ZSCAN22: variants seen among roughly 807,000 people sequenced by gnomAD.
The protein encoded by ZSCAN22 is zinc finger and SCAN domain containing 22.
In ZSCAN22, 7 loss-of-function variants were observed where a neutral mutation model predicts 12.4. The ratio of observed to expected loss-of-function variants is 0.57; its 90% CI spans 0.32 to 1.06. The LOEUF (loss-of-function observed/expected upper bound fraction) is 1.06, where lower values mean the gene tolerates loss of function less well. Among genes scored for constraint, ZSCAN22 ranks in the 50% least tolerant of loss-of-function variants. The probability of loss-of-function intolerance (pLI) is 0.04; values close to 1 mark genes in which losing one functional copy is unlikely to be tolerated. For synonymous variants in ZSCAN22, 243 were observed against 255.9 expected, an observed-to-expected ratio of 0.95 and a Z score of 0.48; for missense variants, 576 against 631.7, an observed-to-expected ratio of 0.91 and a Z score of 0.94.
intron 1 of ZSCAN22, among the ~76,000 whole-genome samples, chr19:58,331,238 A>T: frequency 6.9e-6 from 1 of 144,088 alleles, no homozygotes; most frequent in African/African-American, 2.6e-5. Context: ...TTTTTTTGAG[A>T]CAGAATCTCA....
chr19:58,329,568 A>G lies in ZSCAN22; in HGVS notation c.-52+2454A>G, dbSNP rs989069962. Reference sequence around the variant, plus strand: ...AACAAATTCACTGTGGGAAGTAGAGAATGTCAAGAAAAGTAATACAGTAGT... The same window carrying G: ...AACAAATTCACTGTGGGAAGTAGAGGATGTCAAGAAAAGTAATACAGTAGT... On this transcript the variant is annotated intron_variant, in intron 1 of 2. Transcript: ENST00000329665. This position sits in a 1 kb window ranked among gnomAD's most constrained non-coding sequence, Gnocchi z 4.1. Among the ~76,000 whole-genome samples, 3 of 152,206 alleles carry G rather than the reference A, an allele frequency of 2.0e-5. No homozygotes were observed. Among genetic ancestry groups the G allele is most frequent in the Admixed American group, 6.5e-5 (1 of 15,292 alleles).
intron 1 of ZSCAN22, among the ~76,000 whole-genome samples, chr19:58,331,126 TAGA>T (rs1287466116): frequency 6.6e-6 from 1 of 151,772 alleles, no homozygotes; most frequent in African/African-American, 2.4e-5. Flanking sequence ...TAAAGCAGTG[TAGA>T]AGCACAGAGA....
chr19:58,334,556 T>C (rs189068584), intron 1 of ZSCAN22, 196 bp from the exon 2 acceptor site: 118 of 413,218 alleles, frequency 2.9e-4, no homozygotes, highest in African/African-American at 2.3e-3. Context: ...AAGTTTTAAA[T>C]GAGTCTACAT....
chr19:58,331,784 A>G (rs2051729969), intron 1 of ZSCAN22, among the ~76,000 whole-genome samples: 2 of 151,742 alleles, frequency 1.3e-5, no homozygotes, highest in South Asian at 4.2e-4. Context: ...TGACCTTGTG[A>G]TCGGCCCAGC....
In ZSCAN22 at chr19:58,338,416, T is replaced by C. The variant is rs1467124255; in HGVS notation, c.566T>C (p.Leu189Pro). 1.2e-5 allele frequency: 19 copies of C among 1,614,148 alleles called. No individual in the cohort carries two copies. The highest frequency in any genetic ancestry group is 1.5e-5 in the Non-Finnish European group (18 of 1,180,006). ...GAGGGCAGCTCAGAGAGGTCTGGAC[T>C]ATCAGGGGAGATCTGGACAAAGTCT... ...EPEGSSERSG[L>P]SGEIWTKSVT... Residue 189 changes from leucine (L) to proline (P), a missense_variant, in exon 3 of 3, where the codon CTA becomes CCA. Transcript: ENST00000329665. The surrounding 1 kb of genome is among the most constrained non-coding windows in gnomAD (Gnocchi z 5.4).
At chr19:58,332,714 A>G (rs1252240984) in intron 1 of ZSCAN22, among the ~76,000 whole-genome samples, 1 of 152,204 alleles carries the variant, frequency 6.6e-6, no homozygotes, top group Non-Finnish European at 1.5e-5. Context: ...TCAGGTGGAC[A>G]TTTGGATTGT....
Position 58,340,731 on chromosome 19 carries a change from G to T in ZSCAN22, c.*1405G>T, listed in dbSNP as rs1366628358. On this transcript the variant is annotated 3_prime_UTR_variant, in exon 3 of 3. Transcript: ENST00000329665. ...GATCTCCTGACCTCGTGATCCACCC[G>T]CCTCGGCCTCCCAAAGTGCTGGGAT... 1 of 148,120 alleles carries T rather than the reference G, an allele frequency of 6.8e-6. No individual in the cohort carries two copies. Among genetic ancestry groups the T allele is most frequent in the Non-Finnish European group, 1.5e-5 (1 of 67,474 alleles). The allele number at this position is 148,120 out of a possible 1,614,324, so 9.2% of individuals were successfully genotyped here. A position where few individuals can be genotyped will look rare whatever the true frequency, so the allele number is the denominator to read the frequency against.
intron 2 of ZSCAN22, among the ~76,000 whole-genome samples, chr19:58,336,626 C>T (rs2051800945): frequency 6.6e-6 from 1 of 152,176 alleles, no homozygotes. Context: ...AACTGGGCCA[C>T]TAGCTAACTG....
intron 1 of ZSCAN22, among the ~76,000 whole-genome samples, chr19:58,334,535 GTGTT>G (rs1466808312): frequency 1.3e-5 from 2 of 152,170 alleles, no homozygotes; most frequent in Non-Finnish European, 2.9e-5. Flanking sequence ...AGCCAGGATG[GTGTT>G]TGTTGTAAGT....
In ZSCAN22 at chr19:58,329,359, C is replaced by T. The variant is rs900623087; in HGVS notation, c.-52+2245C>T. Reference sequence around the variant, plus strand: ...GAGCAGAGACTCCAGGCACACTGAGCGTCCTGGCTGACATTGAAGGAAAGG... The same window carrying T: ...GAGCAGAGACTCCAGGCACACTGAGTGTCCTGGCTGACATTGAAGGAAAGG... On this transcript the variant is annotated intron_variant, in intron 1 of 2. Transcript: ENST00000329665. This position sits in a 1 kb window ranked among gnomAD's most constrained non-coding sequence, Gnocchi z 4.1. 2.6e-5 allele frequency among the ~76,000 whole-genome samples: 4 copies of T among 152,206 alleles called. No individual in the cohort carries two copies. The highest frequency in any genetic ancestry group is 4.1e-4 in the South Asian group (2 of 4,834).
chr19:58,339,854 C>G lies in ZSCAN22; in HGVS notation c.*528C>G, dbSNP rs1392485552. 6.5e-6 allele frequency: 1 copy of G among 154,856 alleles called. No individual in the cohort carries two copies. The highest frequency in any genetic ancestry group is 6.4e-5 in the Admixed American group (1 of 15,690). 9.6% of individuals were successfully genotyped at this position (154,856 alleles called of 1,614,324 possible). A position where few individuals can be genotyped will look rare whatever the true frequency, so the allele number is the denominator to read the frequency against. ...GCAAGGCTGACTTTTGAGACTGCCT[C>G]TTCCACGATGCCTTTTCTACACTCT... On this transcript the variant is annotated 3_prime_UTR_variant, in exon 3 of 3. Coordinates refer to ENST00000329665, the MANE Select transcript of ZSCAN22 (RefSeq NM_181846.3). The surrounding 1 kb of genome is among the most constrained non-coding windows in gnomAD (Gnocchi z 5.6).
Position 58,341,468 on chromosome 19 carries a change from G to A in ZSCAN22, c.*2142G>A, listed in dbSNP as rs2051874613. 6.6e-6 allele frequency: 1 copy of A among 152,212 alleles called. No individual in the cohort carries two copies. Among genetic ancestry groups the A allele is most frequent in the African/African-American group, 2.4e-5 (1 of 41,446 alleles). The allele number at this position is 152,212 out of a possible 1,614,324, so 9.4% of individuals were successfully genotyped here. A position where few individuals can be genotyped will look rare whatever the true frequency, so the allele number is the denominator to read the frequency against. On this transcript the variant is annotated 3_prime_UTR_variant, in exon 3 of 3. Coordinates refer to ENST00000329665, the MANE Select transcript of ZSCAN22 (RefSeq NM_181846.3). Reference sequence around the variant, plus strand: ...TGTGAACCATTTGACCTGGCGTATTGTGTACTAGTCACCGTCACCATCTCT... The same window carrying A: ...TGTGAACCATTTGACCTGGCGTATTATGTACTAGTCACCGTCACCATCTCT...
At chr19:58,336,641 C>G (rs558234572) in intron 2 of ZSCAN22, among the ~76,000 whole-genome samples, 2 of 152,164 alleles carry the variant, frequency 1.3e-5, no homozygotes, top group African/African-American at 2.4e-5. Context: ...TAACTGTGAT[C>G]CTGTACCAGT....
rs952984630 is a variant in ZSCAN22, at chr19:58,332,069, C to T, written c.-51-2683C>T. Among the ~76,000 whole-genome samples, 3 of 151,454 alleles carry T rather than the reference C, an allele frequency of 2.0e-5. No homozygotes were observed. In the South Asian group the frequency reaches 6.3e-4, roughly 32 times the overall value. ...TGTATTTTTAGTATAGATGGGGTTT[C>T]TCCATATTGGTCAGGCTGGTCTTGA... On this transcript the variant is annotated intron_variant, in intron 1 of 2. Transcript: ENST00000329665.
In ZSCAN22 at chr19:58,338,193, G is replaced by A. The variant is rs960638553; in HGVS notation, c.404-61G>A. On this transcript the variant is annotated intron_variant, in intron 2 of 2. Coordinates refer to ENST00000329665, the MANE Select transcript of ZSCAN22 (RefSeq NM_181846.3). This position sits in a 1 kb window ranked among gnomAD's most constrained non-coding sequence, Gnocchi z 5.4. ...CTTACAAAGTGTGACCGGGGCCCTCGGCAGAGTAGGGGAGGCTTGGTGTGG... is the reference window on the plus strand; with the variant it reads ...CTTACAAAGTGTGACCGGGGCCCTCAGCAGAGTAGGGGAGGCTTGGTGTGG... The A allele has an allele frequency of 9.6e-5, 141 of 1,466,552 alleles. No homozygotes were observed. Among genetic ancestry groups the A allele is most frequent in the Non-Finnish European group, 1.1e-4 (115 of 1,082,532 alleles). 90.8% of individuals were successfully genotyped at this position (1,466,552 alleles called of 1,614,324 possible).
rs369411761 is a variant in ZSCAN22, at chr19:58,338,271, G to A, written c.421G>A (p.Glu141Lys). Residue 141 changes from glutamate (E) to lysine (K), a missense_variant, in exon 3 of 3, where the codon GAG becomes AAG. Transcript: ENST00000329665. The surrounding 1 kb of genome is among the most constrained non-coding windows in gnomAD (Gnocchi z 5.4). ...LDKRGWDPGA[E>K]PTEASCKQSD... ...TGTTTCAGGATGGGATCCAGGAGCC[G>A]AGCCCACAGAGGCAAGCTGCAAGCA... 1.2e-5 allele frequency: 19 copies of A among 1,600,004 alleles called. No homozygotes were observed. Among genetic ancestry groups the A allele is most frequent in the African/African-American group, 9.4e-5 (7 of 74,648 alleles).
At chr19:58,327,848 C>T (rs187934691) in intron 1 of ZSCAN22, among the ~76,000 whole-genome samples, 2 of 152,186 alleles carry the variant, frequency 1.3e-5, no homozygotes, top group African/African-American at 2.4e-5. Context: ...GGAAATGCTG[C>T]GAGGGCCTGT....
In ZSCAN22 at chr19:58,340,283, C is replaced by T. The variant is rs1237403037; in HGVS notation, c.*957C>T. The stretch of plus-strand genomic sequence containing the variant: ...GCCCCGAGCAACCTCTCCAGTTATC[C>T]TCATATGCATGTATGAATACTGTCA... On this transcript the variant is annotated 3_prime_UTR_variant, in exon 3 of 3. Transcript: ENST00000329665. 2.0e-5 allele frequency: 3 copies of T among 152,126 alleles called. No individual in the cohort carries two copies. The highest frequency in any genetic ancestry group is 4.4e-5 in the Non-Finnish European group (3 of 68,078). The allele number at this position is 152,126 out of a possible 1,614,324, so 9.4% of individuals were successfully genotyped here.
chr19:58,328,200 T>C (rs1236152759), intron 1 of ZSCAN22, among the ~76,000 whole-genome samples: 1 of 152,200 alleles, frequency 6.6e-6, no homozygotes, highest in Non-Finnish European at 1.5e-5. Flanking sequence ...ATATTTCCTG[T>C]GTCTGGGTAT....
Sources: allele counts gnomAD v4.1 joint callset (sites outside exome capture counted in the v4.1 genomes callset), GRCh38; gene constraint gnomAD v4.1.1; non-coding constraint Gnocchi (gnomAD v3.1); transcripts MANE v1.5; gene names NCBI Gene and HGNC (gene_info 2026-07-23, HGNC 2026-07-21).